The following JAG2 variants were observed in gnomAD, a reference collection of about 807,000 sequenced individuals.
The protein encoded by JAG2 is jagged canonical Notch ligand 2.
In JAG2, 46 loss-of-function variants were observed where a neutral mutation model predicts 141.7. The ratio of observed to expected loss-of-function variants is 0.32; its 90% CI spans 0.26 to 0.42. JAG2 has a LOEUF of 0.42. Ranked by LOEUF, JAG2 falls within the 10% of genes least tolerant of loss-of-function variation. The pLI is 1.00. For missense variants in JAG2, 1,500 were observed against 1,817.5 expected, an observed-to-expected ratio of 0.83 and a Z score of 3.18; for synonymous variants, 862 against 763.5, an observed-to-expected ratio of 1.13 and a Z score of -2.13.
At chr14:105,164,589 C>T (rs942639792) in intron 2 of JAG2, among the ~76,000 whole-genome samples, 2 of 152,236 alleles carry the variant, frequency 1.3e-5, no homozygotes, top group African/African-American at 4.8e-5. Context: ...CTCACACCTG[C>T]CACGAGCAGC....
Position 105,142,066 on chromosome 14 carries a change from A to G in JAG2, c.*629T>C, listed in dbSNP as rs760269. 0.95 allele frequency: 145,660 copies of G among 152,940 alleles called. 69,439 individuals carry two copies. The highest frequency in any genetic ancestry group is 1 in the East Asian group (5,182 of 5,186). 9.5% of individuals were successfully genotyped at this position (152,940 alleles called of 1,614,324 possible). On this transcript the variant is annotated 3_prime_UTR_variant, in exon 26 of 26. Coordinates refer to ENST00000331782, the MANE Select transcript of JAG2 (RefSeq NM_002226.5). ...CCAGCAAGCGCGAGGTTGACCTGCC[A>G]GCCTTGGGCCACGCCGATGACCTCA...
chr14:105,148,533 G>T, intron 15 of JAG2, 94 bp from the exon 16 acceptor site: 1 of 806,878 alleles, frequency 1.2e-6, no homozygotes, highest in African/African-American at 1.7e-5. Flanking sequence ...GCCAGGTGAG[G>T]ACAGAGAGGG....
At position 105,142,711 on chromosome 14, in the gene JAG2, T is replaced by C. The variant is rs759255253; in HGVS notation, c.3701A>G (p.Tyr1234Cys). Residue 1234 changes from tyrosine to cysteine, a missense_variant, in exon 26 of 26, where the codon TAC becomes TGC. Tyr to Cys is a radical substitution (Grantham distance 194). This residue lies in a region of JAG2 where 425 missense variants were observed against 441.0 expected (regional missense o/e 0.96). Transcript: ENST00000331782. ...CAGCCGCCCCTACTCCTTGCCGGCG[T>C]AGCGGGCCTCATTGATGCTCCTGAC... ...RAVRSINEAR[Y>C]AGKE 1.2e-6 allele frequency: 2 copies of C among 1,602,560 alleles called. No individual in the cohort carries two copies. Among genetic ancestry groups the C allele is most frequent in the South Asian group, 1.1e-5 (1 of 89,028 alleles).
Position 105,167,725 on chromosome 14 carries a change from G to A in JAG2, c.417+32C>T, listed in dbSNP as rs944255124. The A allele has an allele frequency of 7.7e-6, 11 of 1,424,084 alleles. No individual in the cohort carries two copies. Among genetic ancestry groups the A allele is most frequent in the African/African-American group, 1.5e-5 (1 of 66,802 alleles). The allele number at this position is 1,424,084 out of a possible 1,614,324, so 88.2% of individuals were successfully genotyped here. A position where few individuals can be genotyped will look rare whatever the true frequency, so the allele number is the denominator to read the frequency against. ...GGCCGGGGCGCGGAGAGAGAGGGAA[G>A]GGCTGGAGCACGAGGGATGGAGCGC... On this transcript the variant is annotated intron_variant, in intron 2 of 25. Coordinates refer to ENST00000331782, the MANE Select transcript of JAG2 (RefSeq NM_002226.5). The surrounding 1 kb of genome is among the most constrained non-coding windows in gnomAD (Gnocchi z 4.8).
At chr14:105,146,239 G>A in intron 22 of JAG2, 146 bp downstream of exon 22, 1 of 821,260 alleles carries the variant, frequency 1.2e-6, no homozygotes, top group South Asian at 1.6e-5. Context: ...GGGCCTGGCT[G>A]AGCTCTCGCC....
Position 105,142,984 on chromosome 14 carries a change from C to A in JAG2, c.3428G>T (p.Gly1143Val), listed in dbSNP as rs967567074. The A allele has an allele frequency of 6.2e-7, 1 of 1,609,180 alleles. No homozygotes were observed. The highest frequency in any genetic ancestry group is 1.7e-5 in the Admixed American group (1 of 59,962). ...GCACTGGTAGAGCACGTCCTTGTGG[C>A]CCCCCGGCCGCTCAATGGGGTTGCG... is the stretch of plus-strand genomic sequence containing the variant. ...PIRNPIERPG[G>V]HKDVLYQCKN... Residue 1143 changes from glycine (G) to valine (V), a missense_variant, in exon 26 of 26, where the codon GGC becomes GTC. Gly to Val is a moderately radical substitution (Grantham distance 109). Coordinates refer to ENST00000331782, the MANE Select transcript of JAG2 (RefSeq NM_002226.5).
intron 4 of JAG2, 53 bp from the exon 5 acceptor site, chr14:105,155,675 C>T (rs1035168642): frequency 6.8e-6 from 11 of 1,612,354 alleles, no homozygotes; most frequent in South Asian, 6.6e-5. Context: ...GGCCGCAAGG[C>T]CTGTGCCCGG....
rs190261349 is a variant in JAG2 at position 105,162,237 on chromosome 14, C to T, written c.418-4474G>A. On this transcript the variant is annotated intron_variant, in intron 2 of 25. Transcript: ENST00000331782. ...TGGAGGCCAAGGGGGAAGGGCTTCACCCCTGCAGGCCCAGCTAAGCCTCTC... is the reference window on the plus strand; with the variant it reads ...TGGAGGCCAAGGGGGAAGGGCTTCATCCCTGCAGGCCCAGCTAAGCCTCTC... 2.5e-3 allele frequency among the ~76,000 whole-genome samples: 385 copies of T among 152,152 alleles called. 1 individual carries two copies. The highest frequency in any genetic ancestry group is 7.0e-3 in the South Asian group (34 of 4,828).
chr14:105,155,026 C>T (rs149838113), intron 5 of JAG2, among the ~76,000 whole-genome samples: 5 of 141,080 alleles, frequency 3.5e-5, no homozygotes, highest in Non-Finnish European at 6.1e-5. Flanking sequence ...TGCCCCACAG[C>T]GGCCTCCCCC....
Position 105,146,403 on chromosome 14 carries a change from G to A in JAG2, c.2691C>T (p.Gly897=). 1 of 1,612,588 alleles carries A rather than the reference G, an allele frequency of 6.2e-7. No homozygotes were observed. Among genetic ancestry groups the A allele is most frequent in the Non-Finnish European group, 8.5e-7 (1 of 1,179,798 alleles). Residue 897 remains glycine, a synonymous_variant, in exon 22 of 26, where the codon GGC becomes GGT. Transcript: ENST00000331782. ...CCCTCACCTTGCTGCAGTCACGGCG[G>A]CCATCCAGGCAGCGGCAGCTGTTGC... ...EDCNSCRCLD[G]RRDCSKVWCG...
At chr14:105,143,818 G>A (rs1428811566) in intron 24 of JAG2, among the ~76,000 whole-genome samples, 180 bp from the exon 25 acceptor site, 1 of 149,128 alleles carries the variant, frequency 6.7e-6, no homozygotes, top group Non-Finnish European at 1.5e-5. Flanking sequence ...GGGGGGAGGA[G>A]TGGAGGGGTG....
chr14:105,147,985 C>CGGGGGCAGGGGGCA (rs955906284), intron 17 of JAG2, 97 bp from the exon 18 acceptor site: 1 of 1,189,424 alleles, frequency 8.4e-7, no homozygotes, highest in South Asian at 1.3e-5. Flanking sequence ...CAGACAGACC[C>CGGGGGCAGGGGGCA]GGGGGCAGGG....
At chr14:105,143,377 C>A in intron 25 of JAG2, 105 bp downstream of exon 25, 1 of 1,405,490 alleles carries the variant, frequency 7.1e-7, no homozygotes, top group Non-Finnish European at 9.7e-7. Context: ...CCAGGGACTT[C>A]TGTGTTCCTG....
At position 105,155,810 on chromosome 14, in the gene JAG2, C is replaced by T. The variant is rs1364555362; in HGVS notation, c.655G>A (p.Gly219Ser). 3 of 1,612,864 alleles carry T rather than the reference C, an allele frequency of 1.9e-6. No homozygotes were observed. Among genetic ancestry groups the T allele is most frequent in the Non-Finnish European group, 2.5e-6 (3 of 1,179,886 alleles). Reference sequence around the variant, plus strand: ...CCGTACTGGTCGCAGGTGTAGTGGCCGAAAAAGTCGTTGCGGGGCCGGCAG... The same window carrying T: ...CCGTACTGGTCGCAGGTGTAGTGGCTGAAAAAGTCGTTGCGGGGCCGGCAG... ...KFCRPRNDFFGHYTCDQYGNK... is the reference protein window; with the variant it reads ...KFCRPRNDFFSHYTCDQYGNK... The change falls in exon 4 of 26, where the codon GGC (glycine) becomes AGC (serine). Residue 219 changes from glycine to serine, a missense_variant. By Grantham distance (56) the Gly-to-Ser change is moderately conservative. Transcript: ENST00000331782.
At chr14:105,151,887 G>T in intron 7 of JAG2, 51 bp downstream of exon 7, 1 of 1,611,916 alleles carries the variant, frequency 6.2e-7, no homozygotes, top group Non-Finnish European at 8.5e-7. Flanking sequence ...CGGCTCCCCA[G>T]GGAACCAGTC....
At chr14:105,149,471 G>A (rs1888344603) in intron 12 of JAG2, 151 bp from the exon 13 acceptor site, 1 of 910,740 alleles carries the variant, frequency 1.1e-6, no homozygotes, top group African/African-American at 1.6e-5. Context: ...CAAGACCCCT[G>A]CCCACCTGAG....
At chr14:105,146,247 G>C in intron 22 of JAG2, 138 bp downstream of exon 22, 1 of 842,576 alleles carries the variant, frequency 1.2e-6, no homozygotes, top group Non-Finnish European at 1.9e-6. Flanking sequence ...CTGAGCTCTC[G>C]CCTCCCTGGG....
intron 2 of JAG2, among the ~76,000 whole-genome samples, chr14:105,159,722 C>T (rs1888679458): frequency 9.4e-6 from 1 of 106,178 alleles, no homozygotes; most frequent in African/African-American, 3.6e-5. Flanking sequence ...ATCCACACCC[C>T]CCCAGAGCTC....
rs1850600074 is a variant in JAG2, at chr14:105,168,619, G to C, written c.-199C>G. 1 of 146,088 alleles carries C rather than the reference G, an allele frequency of 6.8e-6. No homozygotes were observed. The highest frequency in any genetic ancestry group is 6.8e-5 in the Admixed American group (1 of 14,684). The allele number at this position is 146,088 out of a possible 1,614,324, so 9.0% of individuals were successfully genotyped here. A position where few individuals can be genotyped will look rare whatever the true frequency, so the allele number is the denominator to read the frequency against. ...CGGGCCTGGGCGGCGGGCGTGCAGGGGCGGCGGCAGCTCCGGCTCGCTGGC... is the reference window on the plus strand; with the variant it reads ...CGGGCCTGGGCGGCGGGCGTGCAGGCGCGGCGGCAGCTCCGGCTCGCTGGC... On this transcript the variant is annotated 5_prime_UTR_variant, in exon 1 of 26. Coordinates refer to ENST00000331782, the MANE Select transcript of JAG2 (RefSeq NM_002226.5).
Sources: gnomAD v4.1 joint callset for allele counts (sites outside exome capture counted in the v4.1 genomes callset) on GRCh38, gnomAD v4.1.1 for gene constraint, gnomAD v4.1.1 regional missense constraint, Gnocchi (gnomAD v3.1) non-coding constraint, MANE v1.5 for transcripts, NCBI Gene and HGNC (gene_info 2026-07-23, HGNC 2026-07-21) for gene names.